The following THRB variants were observed in gnomAD, a reference collection of about 807,000 sequenced individuals.
THRB encodes nuclear receptor subfamily 1 group A member 2.
In THRB, 12 loss-of-function variants were observed where a neutral mutation model predicts 47.8. The ratio of observed to expected loss-of-function variants is 0.25; its 90% CI spans 0.16 to 0.41. THRB has a LOEUF of 0.41. Ranked by LOEUF, THRB falls within the 10% of genes least tolerant of loss-of-function variation. The pLI is 1.00. For missense variants in THRB, 348 were observed against 589.2 expected (o/e 0.59, Z 4.24); for synonymous variants, 218 against 212.2 (o/e 1.03, Z -0.24).
intron 3 of THRB, among the ~76,000 whole-genome samples, chr3:24,284,312 G>T (rs1352666063): frequency 1.3e-5 from 2 of 151,590 alleles, no homozygotes; most frequent in African/African-American, 2.4e-5. Context: ...ACAAACCTGA[G>T]AAAAACAAGC....
intron 1 of THRB, among the ~76,000 whole-genome samples, chr3:24,469,662 T>C (rs929050919): frequency 5.9e-5 from 9 of 152,244 alleles, no homozygotes; most frequent in African/African-American, 2.2e-4. Context: ...TACACTACAA[T>C]GAGGTGTAAG....
At chr3:24,425,450 TA>T (rs1376460879) in intron 1 of THRB, among the ~76,000 whole-genome samples, 1 of 151,980 alleles carries the variant, frequency 6.6e-6, no homozygotes. Flanking sequence ...CTTTTTTTCC[TA>T]TTGAATTGTA....
intron 1 of THRB, among the ~76,000 whole-genome samples, chr3:24,358,308 G>C (rs2063826346): frequency 6.6e-6 from 1 of 151,994 alleles, no homozygotes; most frequent in African/African-American, 2.4e-5. Flanking sequence ...TAACATAACT[G>C]TCCTTTATTT....
At chr3:24,317,736 T>G in intron 2 of THRB, among the ~76,000 whole-genome samples, 1 of 152,164 alleles carries the variant, frequency 6.6e-6, no homozygotes, top group East Asian at 1.9e-4. Flanking sequence ...AGAAAATATG[T>G]CTATATTCAC....
At chr3:24,470,233 A>G (rs1472462543) in intron 1 of THRB, among the ~76,000 whole-genome samples, 2 of 152,226 alleles carry the variant, frequency 1.3e-5, no homozygotes, top group African/African-American at 2.4e-5. Context: ...ATTCTGAACA[A>G]TTTATGAGAA....
rs556398164 is a variant in THRB at position 24,462,139 on chromosome 3, T to A, written c.-261+32513A>T. 2.7e-5 allele frequency among the ~76,000 whole-genome samples: 4 copies of A among 150,078 alleles called. No homozygotes were observed. The South Asian group carries it at 8.6e-4, about 32-fold the overall frequency. On this transcript the variant is annotated intron_variant, in intron 1 of 10. Transcript: ENST00000646209. ...ATTACTTTTGTCATCAGAAAAATAA[T>A]AAAAAGCATTAGAACATAATGGCTA...
chr3:24,215,207 C>T (rs4260345), intron 4 of THRB, among the ~76,000 whole-genome samples: 109,882 of 152,164 alleles, frequency 0.72, 41,026 homozygotes, highest in African/African-American at 0.93. Context: ...AAATCTCTGC[C>T]ATTTCCCCAG....
chr3:24,309,384 T>A (rs116159765), intron 2 of THRB, among the ~76,000 whole-genome samples: 1 of 152,312 alleles, frequency 6.6e-6, no homozygotes, highest in African/African-American at 2.4e-5. Context: ...CAAAAGCTGT[T>A]TGTATCCCAT....
chr3:24,462,865 C>T (rs559088169), intron 1 of THRB, among the ~76,000 whole-genome samples: 2 of 152,312 alleles, frequency 1.3e-5, no homozygotes, highest in South Asian at 4.1e-4. Flanking sequence ...CAAGCTCACC[C>T]TCATCTGGGC....
intron 3 of THRB, among the ~76,000 whole-genome samples, chr3:24,279,475 C>G (rs2054297333): frequency 6.6e-6 from 1 of 152,080 alleles, no homozygotes; most frequent in African/African-American, 2.4e-5. Flanking sequence ...AGCTCCACCT[C>G]CCGGGTTCAC....
intron 4 of THRB, among the ~76,000 whole-genome samples, chr3:24,226,487 T>C (rs1450584291): frequency 1.3e-5 from 2 of 152,158 alleles, no homozygotes; most frequent in African/African-American, 4.8e-5. Context: ...AAAATAGAAC[T>C]ACAATTAGTT....
Position 24,117,498 on chromosome 3 carries a change from C to G in THRB, c.*5386G>C, listed in dbSNP as rs947963207. On this transcript the variant is annotated 3_prime_UTR_variant, in exon 11 of 11. Transcript: ENST00000646209. Reference sequence around the variant, plus strand: ...ACAGTGATTGGCTCAGGAATGGGCACATGACTGAACTTGGGCCAGTGAGAA... The same window carrying G: ...ACAGTGATTGGCTCAGGAATGGGCAGATGACTGAACTTGGGCCAGTGAGAA... 22 of 152,370 alleles carry G rather than the reference C, an allele frequency of 1.4e-4. No homozygotes were observed. The highest frequency in any genetic ancestry group is 4.3e-4 in the African/African-American group (18 of 41,592). The allele number at this position is 152,370 out of a possible 1,614,324, so 9.4% of individuals were successfully genotyped here.
At chr3:24,344,388 A>G (rs1390720761) in intron 1 of THRB, among the ~76,000 whole-genome samples, 2 of 152,144 alleles carry the variant, frequency 1.3e-5, no homozygotes, top group Non-Finnish European at 2.9e-5. Flanking sequence ...ACCACAATAA[A>G]GACAGATTCA....
intron 3 of THRB, among the ~76,000 whole-genome samples, chr3:24,279,386 CTTTT>C: frequency 6.6e-6 from 1 of 151,770 alleles, no homozygotes; most frequent in Admixed American, 6.6e-5. Context: ...GCAATGAGTT[CTTTT>C]TTCTTTTTTT....
At chr3:24,309,822 C>A (rs1320892760) in intron 2 of THRB, among the ~76,000 whole-genome samples, 5 of 152,048 alleles carry the variant, frequency 3.3e-5, no homozygotes, top group Admixed American at 3.3e-4. Flanking sequence ...AAAAATAGAA[C>A]TTTGATATAA....
intron 5 of THRB, among the ~76,000 whole-genome samples, chr3:24,180,826 C>A (rs914983022): frequency 3.5e-4 from 53 of 152,138 alleles, no homozygotes; most frequent in African/African-American, 1.2e-3. Flanking sequence ...TATGTGCTTC[C>A]TAGACTGCAA....
intron 3 of THRB, among the ~76,000 whole-genome samples, chr3:24,242,486 C>A (rs1311604520): frequency 6.6e-6 from 1 of 152,120 alleles, no homozygotes; most frequent in Non-Finnish European, 1.5e-5. Flanking sequence ...AAGAATCCCC[C>A]CTCCCCTCTG....
At chr3:24,251,271 G>A (rs1005216794) in intron 3 of THRB, among the ~76,000 whole-genome samples, 2 of 152,028 alleles carry the variant, frequency 1.3e-5, no homozygotes, top group Non-Finnish European at 2.9e-5. Flanking sequence ...AAATAAATGA[G>A]TTAAGCATTT....
chr3:24,257,977 T>C (rs2051480482), intron 3 of THRB, among the ~76,000 whole-genome samples: 1 of 152,342 alleles, frequency 6.6e-6, no homozygotes. Flanking sequence ...GCATGAACAA[T>C]AAATGGACTG....
Sources: allele counts gnomAD v4.1 joint callset (sites outside exome capture counted in the v4.1 genomes callset), GRCh38; gene constraint gnomAD v4.1.1; transcripts MANE v1.5; gene names NCBI Gene and HGNC (gene_info 2026-07-23, HGNC 2026-07-21).